Variants in ANKRD52 observed in about 807,000 individuals in gnomAD.
The protein encoded by ANKRD52 is ankyrin repeat domain 52.
Under a neutral mutation model 116.0 loss-of-function variants are expected in ANKRD52, and 7 were observed. That is an observed-to-expected ratio of 0.06 (90% CI 0.03 to 0.11). The LOEUF (loss-of-function observed/expected upper bound fraction) is 0.11, where lower values mean the gene tolerates loss of function less well. Ranked by LOEUF, ANKRD52 falls within the 10% of genes least tolerant of loss-of-function variation. ANKRD52 has a pLI of 1.00. For missense variants in ANKRD52, 839 were observed against 1,408.6 expected (o/e 0.60, Z 6.47); for synonymous variants, 528 against 578.1 (o/e 0.91, Z 1.24).
In ANKRD52 at chr12:56,245,398, T is replaced by C. The variant is rs1409582686; in HGVS notation, c.2383A>G (p.Met795Val). The change falls in exon 21 of 28, where the codon ATG becomes GTG. Residue 795 changes from methionine (M) to valine (V), a missense_variant. Coordinates refer to ENST00000267116, the MANE Select transcript of ANKRD52 (RefSeq NM_173595.4). ...GTACCAGTGTAGGAGGCCCAGTGCA[T>C]GGGCGAGTATCCGCTGTAATCCACC... ...AGVDYSGYSP[M>V]HWASYTGHED... is the part of the protein sequence containing the mutation. 4 of 1,612,000 alleles carry C rather than the reference T, an allele frequency of 2.5e-6. No homozygotes were observed. The African/African-American group carries it at 4.0e-5, about 16-fold the overall frequency.
intron 15 of ANKRD52, 113 bp downstream of exon 15, chr12:56,251,902 C>A: frequency 8.4e-7 from 1 of 1,183,520 alleles, no homozygotes; most frequent in East Asian, 2.4e-5. Context: ...GCTGGCTGAC[C>A]GGCAGGACAG....
chr12:56,249,112 C>T (rs751451615), intron 15 of ANKRD52, among the ~76,000 whole-genome samples: 16 of 152,234 alleles, frequency 1.1e-4, no homozygotes, highest in Non-Finnish European at 2.2e-4. Context: ...CCTCTGAATG[C>T]TCTCCTAGAG....
chr12:56,257,485 C>T, intron 2 of ANKRD52, 124 bp from the exon 3 acceptor site: 1 of 927,200 alleles, frequency 1.1e-6, no homozygotes, highest in Non-Finnish European at 1.7e-6. Flanking sequence ...CTGCAGCGTC[C>T]TAAGTCCCGG....
rs894472716 is a variant in ANKRD52 at position 56,238,588 on chromosome 12, C to T, written c.*4554G>A. On this transcript the variant is annotated 3_prime_UTR_variant, in exon 28 of 28. Coordinates refer to ENST00000267116, the MANE Select transcript of ANKRD52 (RefSeq NM_173595.4). ...CCCCTCCCACCCACCCCCATTTTGGCACATCTGCAAGACACACAGCAGCGA... is the reference window on the plus strand; with the variant it reads ...CCCCTCCCACCCACCCCCATTTTGGTACATCTGCAAGACACACAGCAGCGA... 8.7e-6 allele frequency: 1 copy of T among 114,404 alleles called. No individual in the cohort carries two copies. 7.1% of individuals were successfully genotyped at this position (114,404 alleles called of 1,614,324 possible).
At chr12:56,256,728 G>A (rs1871971976) in intron 4 of ANKRD52, among the ~76,000 whole-genome samples, 1 of 152,238 alleles carries the variant, frequency 6.6e-6, no homozygotes. Context: ...AGGGGGATCA[G>A]ACTCAAGGTG....
rs1259829753 is a variant in ANKRD52 at position 56,244,411 on chromosome 12, G to A, written c.2747C>T (p.Ala916Val). ...AVEFLLYRGK[A>V]DLTVLDENKN... ...GTTCTCATCCAACACAGTAAGGTCTGCCTTCCCTCGATACAGCAGAAATTC... is the reference window on the plus strand; with the variant it reads ...GTTCTCATCCAACACAGTAAGGTCTACCTTCCCTCGATACAGCAGAAATTC... The change falls in exon 25 of 28, where the codon GCA becomes GTA. Residue 916 changes from alanine to valine, a missense_variant. Physicochemically the swap from Ala to Val is moderately conservative, Grantham distance 64. Transcript: ENST00000267116. This position sits in a 1 kb window ranked among gnomAD's most constrained non-coding sequence, Gnocchi z 4.9. 1.9e-6 allele frequency: 3 copies of A among 1,613,974 alleles called. No individual in the cohort carries two copies. The Admixed American group carries it at 5.0e-5, about 27-fold the overall frequency.
chr12:56,253,729 G>C lies in ANKRD52; in HGVS notation c.978C>G (p.Ile326Met). The C allele has an allele frequency of 6.2e-7, 1 of 1,613,754 alleles. No homozygotes were observed. The highest frequency in any genetic ancestry group is 2.2e-5 in the East Asian group (1 of 44,882). The change falls in exon 9 of 28, where the codon ATC becomes ATG. Residue 326 changes from isoleucine (I) to methionine (M), a missense_variant. By Grantham distance (10) the Ile-to-Met change is conservative. This residue lies in a region of ANKRD52 where 287 missense variants were observed against 598.1 expected (regional missense o/e 0.48). Coordinates refer to ENST00000267116, the MANE Select transcript of ANKRD52 (RefSeq NM_173595.4). This position sits in a 1 kb window ranked among gnomAD's most constrained non-coding sequence, Gnocchi z 5.5. ...HGRFTRSQIL[I>M]QNGSEIDCAD... is the part of the protein sequence containing the mutation. ...AGTCTCCCAGGTCCATACCATTCTG[G>C]ATGAGGATCTGGGAGCGTGTGAAAC...
rs1477815409 is a variant in ANKRD52, at chr12:56,243,137, G to A, written c.*5C>T. ...CCACCGGCGGGGGAGGGACACTGGAGGGGGCTACTCAGAGTAGCAGCCATC... is the reference window on the plus strand; with the variant it reads ...CCACCGGCGGGGGAGGGACACTGGAAGGGGCTACTCAGAGTAGCAGCCATC... On this transcript the variant is annotated 3_prime_UTR_variant, in exon 28 of 28. Coordinates refer to ENST00000267116, the MANE Select transcript of ANKRD52 (RefSeq NM_173595.4). The surrounding 1 kb of genome is among the most constrained non-coding windows in gnomAD (Gnocchi z 4.6). The A allele has an allele frequency of 1.3e-6, 2 of 1,584,238 alleles. No individual in the cohort carries two copies. Among genetic ancestry groups the A allele is most frequent in the East Asian group, 4.5e-5 (2 of 43,980 alleles).
Position 56,255,761 on chromosome 12 carries a change from G to A in ANKRD52, c.462+23C>T, listed in dbSNP as rs1316923060. 6.5e-7 allele frequency: 1 copy of A among 1,537,114 alleles called. No individual in the cohort carries two copies. Among genetic ancestry groups the A allele is most frequent in the East Asian group, 2.4e-5 (1 of 41,172 alleles). On this transcript the variant is annotated intron_variant, in intron 5 of 27. Coordinates refer to ENST00000267116, the MANE Select transcript of ANKRD52 (RefSeq NM_173595.4). The surrounding 1 kb of genome is among the most constrained non-coding windows in gnomAD (Gnocchi z 4.3). The stretch of plus-strand genomic sequence containing the variant: ...TAAGAAAAGGGAAAGCCCCAGCTGG[G>A]CCTGGATGGGAACAGTCCTCACCTC...
chr12:56,248,561 T>C lies in ANKRD52; in HGVS notation c.1710A>G (p.Leu570=). 1.0e-5 allele frequency: 16 copies of C among 1,590,360 alleles called. No homozygotes were observed. The highest frequency in any genetic ancestry group is 1.4e-5 in the Non-Finnish European group (16 of 1,168,498). Residue 570 remains leucine, a synonymous_variant, in exon 17 of 28, where the codon TTA becomes TTG. Coordinates refer to ENST00000267116, the MANE Select transcript of ANKRD52 (RefSeq NM_173595.4). The surrounding 1 kb of genome is among the most constrained non-coding windows in gnomAD (Gnocchi z 5.1). ...CCTCCAGGCAGTTAAAGGACATTTC[T>C]AAGAGCTGCAAAGGACAGGAAAGTA... ...YGNRQNLELL[L]EMSFNCLEDV...
chr12:56,247,644 G>A (rs767885435), intron 19 of ANKRD52, 34 bp from the exon 20 acceptor site: 12 of 1,593,294 alleles, frequency 7.5e-6, no homozygotes, highest in African/African-American at 1.3e-5. Context: ...TGAGGATCCC[G>A]CAAGGACTGG....
rs1435366361 is a variant in ANKRD52 at position 56,252,042 on chromosome 12, T to C, written c.1565A>G (p.Lys522Arg). The change falls in exon 15 of 28, where the codon AAG (lysine) becomes AGG (arginine). Residue 522 changes from lysine (K) to arginine (R), a missense_variant. Lys to Arg is a conservative substitution (Grantham distance 26, BLOSUM62 2). This residue lies in a region of ANKRD52 where 552 missense variants were observed against 810.6 expected (regional missense o/e 0.68). Coordinates refer to ENST00000267116, the MANE Select transcript of ANKRD52 (RefSeq NM_173595.4). This position sits in a 1 kb window ranked among gnomAD's most constrained non-coding sequence, Gnocchi z 4.7. Reference protein sequence around the residue: ...SHDAEEDEPLKESRRKEAFFC... With the variant: ...SHDAEEDEPLRESRRKEAFFC... ...GAAGGCCTCCTTCCTGCGGGACTCC[T>C]TCAGTGGCTCGTCCTCTTCGGCATC... 18 of 1,613,796 alleles carry C rather than the reference T, an allele frequency of 1.1e-5. No homozygotes were observed. In the Admixed American group the frequency reaches 3.0e-4, roughly 27 times the overall value.
chr12:56,258,305 G>A lies in ANKRD52; in HGVS notation c.-36C>T. 1.4e-6 allele frequency: 2 copies of A among 1,466,588 alleles called. No individual in the cohort carries two copies. Among genetic ancestry groups the A allele is most frequent in the East Asian group, 2.9e-5 (1 of 34,800 alleles). 90.8% of individuals were successfully genotyped at this position (1,466,588 alleles called of 1,614,324 possible). On this transcript the variant is annotated 5_prime_UTR_variant, in exon 1 of 28. Coordinates refer to ENST00000267116, the MANE Select transcript of ANKRD52 (RefSeq NM_173595.4). ...GGGCTCCGTCCGCATCGAGCTCCCG[G>A]CGGCGGCGGCGGCGGCTCCACCGGG...
rs892899012 is a variant in ANKRD52, at chr12:56,255,336, G to A, written c.463-384C>T. ...CTCCCGAGTAGCTGGGACTACAGGC[G>A]GCCGCCACCACACCCGGCTAATTTT... On this transcript the variant is annotated intron_variant, in intron 5 of 27. Coordinates refer to ENST00000267116, the MANE Select transcript of ANKRD52 (RefSeq NM_173595.4). The surrounding 1 kb of genome is among the most constrained non-coding windows in gnomAD (Gnocchi z 4.3). Among the ~76,000 whole-genome samples, 13 of 151,938 alleles carry A rather than the reference G, an allele frequency of 8.6e-5. No individual in the cohort carries two copies. Among genetic ancestry groups the A allele is most frequent in the Admixed American group, 7.9e-4 (12 of 15,262 alleles).
At chr12:56,257,137 G>A (rs1045912941) in intron 3 of ANKRD52, 52 bp from the exon 4 acceptor site, 1 of 1,588,882 alleles carries the variant, frequency 6.3e-7, no homozygotes, top group African/African-American at 1.3e-5. Context: ...GAGGTATGAA[G>A]GAAGCCAGTA....
intron 3 of ANKRD52, 79 bp downstream of exon 3, chr12:56,257,204 G>T: frequency 6.5e-7 from 1 of 1,541,670 alleles, no homozygotes; most frequent in Non-Finnish European, 8.8e-7. Context: ...GCCGGGGAGA[G>T]CAATCCTTGA....
chr12:56,255,966 G>A lies in ANKRD52; in HGVS notation c.280C>T (p.Leu94=). The A allele has an allele frequency of 2.5e-6, 4 of 1,571,872 alleles. No homozygotes were observed. The highest frequency in any genetic ancestry group is 3.5e-6 in the Non-Finnish European group (4 of 1,156,778). The stretch of plus-strand genomic sequence containing the variant: ...GCATTCACATCTGCTGAATGTGCCA[G>A]CAGCAGCCCCAGCACCTTCTGTTGA... ...SRNEKVLGLL[L]AHSADVNARD... is the part of the protein sequence containing the mutation. Residue 94 remains leucine (L), a synonymous_variant, in exon 5 of 28, where the codon CTG becomes TTG. Coordinates refer to ENST00000267116, the MANE Select transcript of ANKRD52 (RefSeq NM_173595.4). The surrounding 1 kb of genome is among the most constrained non-coding windows in gnomAD (Gnocchi z 4.3).
At chr12:56,250,597 T>C (rs909039120) in intron 15 of ANKRD52, among the ~76,000 whole-genome samples, 19 of 151,002 alleles carry the variant, frequency 1.3e-4, no homozygotes, top group African/African-American at 3.9e-4. Flanking sequence ...TATAGAAAAA[T>C]TGTGGGCTAG....
Position 56,245,552 on chromosome 12 carries a change from G to A in ANKRD52, c.2229C>T (p.His743=), listed in dbSNP as rs1455347837. The A allele has an allele frequency of 2.2e-5, 36 of 1,609,576 alleles. No individual in the cohort carries two copies. The highest frequency in any genetic ancestry group is 3.0e-5 in the Non-Finnish European group (35 of 1,178,478). The change falls in exon 21 of 28, where the codon CAC becomes CAT. Residue 743 remains histidine, a synonymous_variant. Coordinates refer to ENST00000267116, the MANE Select transcript of ANKRD52 (RefSeq NM_173595.4). The stretch of plus-strand genomic sequence containing the variant: ...AGTCTCGGCACAGCACAAATGCGTC[G>A]TGGTCCAGCAGGGCAGCCAGGCAGT... The part of the protein sequence containing the change: ...CEDCLAALLD[H]DAFVLCRDFK...
Sources: gnomAD v4.1 joint callset for allele counts (sites outside exome capture counted in the v4.1 genomes callset) on GRCh38, gnomAD v4.1.1 for gene constraint, gnomAD v4.1.1 regional missense constraint, Gnocchi (gnomAD v3.1) non-coding constraint, MANE v1.5 for transcripts, NCBI Gene and HGNC (gene_info 2026-07-23, HGNC 2026-07-21) for gene names.